The following KCNIP1 variants were observed in gnomAD, a reference collection of about 807,000 sequenced individuals.
KCNIP1 encodes the protein A-type potassium channel modulatory protein KCNIP1.
KCNIP1 carries 18 observed loss-of-function variants against 33.0 expected under a neutral mutation model. That is an observed-to-expected ratio of 0.55 (90% confidence interval 0.38 to 0.81). The LOEUF (loss-of-function observed/expected upper bound fraction) is 0.81, where lower values mean the gene tolerates loss of function less well. KCNIP1 is among the 30% of genes least tolerant of loss of function. The pLI, the probability that KCNIP1 is intolerant of heterozygous loss-of-function variation, is 0.00. For missense variants in KCNIP1, 238 were observed against 271.6 expected, an observed-to-expected ratio of 0.88 and a Z score of 0.87; for synonymous variants, 93 against 98.3, an observed-to-expected ratio of 0.95 and a Z score of 0.32.
chr5:170,664,128 C>T (rs745728792), intron 1 of KCNIP1, among the ~76,000 whole-genome samples: 2 of 152,152 alleles, frequency 1.3e-5, no homozygotes, highest in Non-Finnish European at 2.9e-5. Flanking sequence ...TCTCCAGCCT[C>T]ATCCTGCAAC....
chr5:170,425,619 C>T (rs1393078358), intron 1 of KCNIP1, among the ~76,000 whole-genome samples: 1 of 152,214 alleles, frequency 6.6e-6, no homozygotes, highest in Non-Finnish European at 1.5e-5. Context: ...GCTTCTGACA[C>T]CCCATTTTGG....
chr5:170,599,368 C>T (rs1398783434), intron 1 of KCNIP1, among the ~76,000 whole-genome samples: 5 of 152,126 alleles, frequency 3.3e-5, no homozygotes, highest in Non-Finnish European at 7.4e-5. Context: ...CCTCACTCCC[C>T]GAGGAATCGC....
chr5:170,674,727 T>A (rs1762062603), intron 1 of KCNIP1, among the ~76,000 whole-genome samples: 1 of 152,176 alleles, frequency 6.6e-6, no homozygotes, highest in Non-Finnish European at 1.5e-5. Flanking sequence ...ATGCTTGGAA[T>A]GATTGTTCCG....
intron 1 of KCNIP1, among the ~76,000 whole-genome samples, chr5:170,367,314 C>CA (rs529934527): frequency 1.7e-4 from 17 of 98,182 alleles, no homozygotes; most frequent in African/African-American, 3.1e-4. Context: ...AACTCCGTCT[C>CA]AAAAAAAAAG....
chr5:170,360,756 G>A (rs1481343917), intron 1 of KCNIP1, among the ~76,000 whole-genome samples: 1 of 152,226 alleles, frequency 6.6e-6, no homozygotes, highest in Non-Finnish European at 1.5e-5. Flanking sequence ...GAGAATGGGA[G>A]CCCTGTGAAA....
intron 1 of KCNIP1, among the ~76,000 whole-genome samples, chr5:170,409,119 A>C (rs1181838036): frequency 6.6e-6 from 1 of 152,132 alleles, no homozygotes. Context: ...TTACTGATGC[A>C]CCCGAGCTCA....
chr5:170,589,737 G>A (rs1427219621), intron 1 of KCNIP1, among the ~76,000 whole-genome samples: 4 of 121,830 alleles, frequency 3.3e-5, no homozygotes, highest in Non-Finnish European at 6.4e-5. Context: ...GGTGTGGTGT[G>A]GTGTGGTGTG....
chr5:170,549,159 T>C (rs1561681059), intron 1 of KCNIP1, among the ~76,000 whole-genome samples: 1 of 152,212 alleles, frequency 6.6e-6, no homozygotes, highest in Non-Finnish European at 1.5e-5. Context: ...TCACCTGGGC[T>C]GAAAAAGCGT....
At chr5:170,691,862 G>A (rs562014777) in intron 1 of KCNIP1, among the ~76,000 whole-genome samples, 5 of 152,228 alleles carry the variant, frequency 3.3e-5, no homozygotes, top group South Asian at 2.1e-4. Flanking sequence ...AACACCACTC[G>A]AGATCCTCAC....
intron 1 of KCNIP1, among the ~76,000 whole-genome samples, chr5:170,650,646 C>T (rs1474183303): frequency 4.6e-5 from 7 of 152,186 alleles, no homozygotes; most frequent in Admixed American, 2.0e-4. Flanking sequence ...CAAATCTTTA[C>T]GTGGAAATGC....
At chr5:170,510,827 C>T (rs1007214372) in intron 1 of KCNIP1, among the ~76,000 whole-genome samples, 1 of 145,898 alleles carries the variant, frequency 6.9e-6, no homozygotes, top group Non-Finnish European at 1.5e-5. Flanking sequence ...TGGCTATGAG[C>T]ACCGCGTTAA....
At position 170,722,834 on chromosome 5, in the gene KCNIP1, G is replaced by A. The variant is rs1479426668; in HGVS notation, c.435+14G>A. The A allele has an allele frequency of 6.4e-7, 1 of 1,556,016 alleles. No individual in the cohort carries two copies. The highest frequency in any genetic ancestry group is 8.9e-7 in the Non-Finnish European group (1 of 1,127,436). ...ATAAACAAAGAGGTAAGTGAGCTGG[G>A]GCCAGGGGTGTGAGAGGGCTCCAGT... On this transcript the variant is annotated intron_variant, in intron 5 of 7. Transcript: ENST00000328939.
intron 1 of KCNIP1, among the ~76,000 whole-genome samples, chr5:170,553,319 C>G (rs1325083780): frequency 6.6e-6 from 1 of 152,216 alleles, no homozygotes; most frequent in Non-Finnish European, 1.5e-5. Context: ...AAATAACACC[C>G]TTACTACTTT....
At chr5:170,475,130 C>T (rs1451877343) in intron 1 of KCNIP1, among the ~76,000 whole-genome samples, 2 of 152,036 alleles carry the variant, frequency 1.3e-5, no homozygotes, top group African/African-American at 2.4e-5. Context: ...TGGTACATTT[C>T]ACAAACCTCT....
intron 6 of KCNIP1, 121 bp downstream of exon 6, chr5:170,733,025 A>G: frequency 1.6e-6 from 1 of 607,810 alleles, no homozygotes; most frequent in Non-Finnish European, 3.0e-6. Flanking sequence ...ACAGAAAAGA[A>G]TTATAAGATA....
intron 1 of KCNIP1, among the ~76,000 whole-genome samples, chr5:170,386,272 A>G (rs1484726853): frequency 2.0e-5 from 3 of 152,242 alleles, no homozygotes; most frequent in Non-Finnish European, 4.4e-5. Flanking sequence ...CTAAGGTGAT[A>G]TGACCAGGGA....
intron 5 of KCNIP1, 86 bp downstream of exon 5, chr5:170,722,906 A>T: frequency 1.2e-6 from 1 of 816,252 alleles, no homozygotes; most frequent in Non-Finnish European, 2.0e-6. Context: ...TGAGGATAGC[A>T]CTGTCTGAAT....
intron 1 of KCNIP1, among the ~76,000 whole-genome samples, chr5:170,426,188 A>G (rs1234380494): frequency 6.6e-6 from 1 of 151,860 alleles, no homozygotes; most frequent in Non-Finnish European, 1.5e-5. Context: ...AGGCCCCTGT[A>G]TCCTCAGGCC....
chr5:170,424,355 G>A (rs1042277790), intron 1 of KCNIP1, among the ~76,000 whole-genome samples: 6 of 152,154 alleles, frequency 3.9e-5, no homozygotes, highest in Non-Finnish European at 5.9e-5. Flanking sequence ...GGATGCTGAG[G>A]CCTATGGAAA....
Sources: allele counts gnomAD v4.1 joint callset (sites outside exome capture counted in the v4.1 genomes callset), GRCh38; gene constraint gnomAD v4.1.1; transcripts MANE v1.5; gene names NCBI Gene and HGNC (gene_info 2026-07-23, HGNC 2026-07-21).